The following USP10 variants were observed in gnomAD, a reference collection of about 807,000 sequenced individuals.
USP10 encodes the protein ubiquitin specific peptidase 10, also known as ubiquitin carboxyl-terminal hydrolase 10.
A neutral mutation model predicts 84.5 loss-of-function variants in USP10; 22 were observed. The observed-to-expected ratio is 0.26, with a 90% CI of 0.19 to 0.37. The LOEUF (loss-of-function observed/expected upper bound fraction) is 0.37. Ranked by LOEUF, USP10 falls within the 10% of genes least tolerant of loss-of-function variation. The probability of loss-of-function intolerance (pLI) is 1.00; values close to 1 mark genes in which losing one functional copy is unlikely to be tolerated. For synonymous variants in USP10, 454 were observed against 387.6 expected, an observed-to-expected ratio of 1.17 and a Z score of -2.01; for missense variants, 1,019 against 998.9, an observed-to-expected ratio of 1.02 and a Z score of -0.27.
At chr16:84,778,850 G>A (rs746356767) in intron 13 of USP10, 45 bp from the exon 14 acceptor site, 2 of 1,572,740 alleles carry the variant, frequency 1.3e-6, no homozygotes, top group Admixed American at 3.5e-5. Context: ...AATGATTCGT[G>A]TGCAGTGCTG....
chr16:84,745,819 C>T, intron 4 of USP10, 146 bp downstream of exon 4: 2 of 867,420 alleles, frequency 2.3e-6, no homozygotes, highest in East Asian at 2.7e-5. Flanking sequence ...CTTAAATGTT[C>T]TCTAAAAGTA....
At chr16:84,771,816 G>A (rs1051902875) in intron 11 of USP10, among the ~76,000 whole-genome samples, 5 of 152,072 alleles carry the variant, frequency 3.3e-5, no homozygotes, top group East Asian at 1.9e-4. Flanking sequence ...TGCAGTGAGC[G>A]CAGATCGTAC....
At chr16:84,725,030 TGAGA>T (rs1343205828) in intron 1 of USP10, among the ~76,000 whole-genome samples, 8 of 152,214 alleles carry the variant, frequency 5.3e-5, no homozygotes, top group Admixed American at 5.2e-4. Context: ...AAAACTTTAT[TGAGA>T]TATAATTCAC....
At chr16:84,708,076 G>A (rs1455018939) in intron 1 of USP10, among the ~76,000 whole-genome samples, 3 of 151,888 alleles carry the variant, frequency 2.0e-5, no homozygotes, top group Non-Finnish European at 2.9e-5. Context: ...AGACTCTTAC[G>A]TCAAAAAAGA....
chr16:84,732,149 G>A (rs1298553558), intron 1 of USP10, among the ~76,000 whole-genome samples: 1 of 152,106 alleles, frequency 6.6e-6, no homozygotes, highest in Non-Finnish European at 1.5e-5. Flanking sequence ...TTACCAGGAG[G>A]GTATTACATT....
chr16:84,753,393 C>CTTT (rs1597369875), intron 4 of USP10, among the ~76,000 whole-genome samples: 1 of 152,164 alleles, frequency 6.6e-6, no homozygotes, highest in Admixed American at 6.6e-5. Context: ...AATTCATTTG[C>CTTT]TTTTCCCTTC....
chr16:84,716,453 A>G (rs936234056), intron 1 of USP10: 1 of 152,172 alleles, frequency 6.6e-6, no homozygotes, highest in Non-Finnish European at 1.5e-5. Flanking sequence ...GATTCTCAGT[A>G]TTGTGCTTCA....
At chr16:84,769,452 C>T (rs956116589) in intron 11 of USP10, among the ~76,000 whole-genome samples, 1 of 152,140 alleles carries the variant, frequency 6.6e-6, no homozygotes, top group African/African-American at 2.4e-5. Context: ...CAGTAGGAGC[C>T]AGAGGCAGAA....
intron 13 of USP10, among the ~76,000 whole-genome samples, chr16:84,775,493 T>C (rs2150876845): frequency 6.6e-6 from 1 of 152,314 alleles, no homozygotes; most frequent in East Asian, 1.9e-4. Context: ...AGTTTCAGGC[T>C]CCCAGGCTGG....
Position 84,745,250 on chromosome 16 carries a change from G to C in USP10, c.769G>C (p.Ala257Pro). 6.2e-7 allele frequency: 1 copy of C among 1,613,374 alleles called. No homozygotes were observed. Among genetic ancestry groups the C allele is most frequent in the South Asian group, 1.1e-5 (1 of 91,052 alleles). The change falls in exon 4 of 14, where the codon GCA becomes CCA. Residue 257 changes from alanine to proline, a missense_variant. Transcript: ENST00000219473. ...TGATTTTGGTCAGTCCTGCTTCCCTGCAGAGGCTGGCAGAGACACCCTGTC... is the reference window on the plus strand; with the variant it reads ...TGATTTTGGTCAGTCCTGCTTCCCTCCAGAGGCTGGCAGAGACACCCTGTC... ...GADFGQSCFP[A>P]EAGRDTLSRT... is the part of the protein sequence containing the mutation.
chr16:84,779,919 T>C lies in USP10; in HGVS notation c.*837T>C, dbSNP rs1480179062. On this transcript the variant is annotated 3_prime_UTR_variant, in exon 14 of 14. Transcript: ENST00000219473. ...ATCAATAAAAATCACAAAGTTGGTTTAAAGGTGTGTGCGTGTTTCTTTGAA... is the reference window on the plus strand; with the variant it reads ...ATCAATAAAAATCACAAAGTTGGTTCAAAGGTGTGTGCGTGTTTCTTTGAA... The C allele has an allele frequency of 6.6e-6, 1 of 152,188 alleles. No individual in the cohort carries two copies. The highest frequency in any genetic ancestry group is 2.4e-5 in the African/African-American group (1 of 41,442). 9.4% of individuals were successfully genotyped at this position (152,188 alleles called of 1,614,324 possible). A position where few individuals can be genotyped will look rare whatever the true frequency, so the allele number is the denominator to read the frequency against.
intron 4 of USP10, among the ~76,000 whole-genome samples, chr16:84,752,082 C>G (rs1430672283): frequency 6.6e-6 from 1 of 152,118 alleles, no homozygotes; most frequent in East Asian, 1.9e-4. Flanking sequence ...CAGCAGATTT[C>G]ATAAGAGTGA....
chr16:84,746,812 G>A lies in USP10; in HGVS notation c.1192+1139G>A, dbSNP rs539854407. ...CCTTAACCTACTGTAACTTTTTTAC[G>A]TTTTATTTTACTTTTAAATTAAAAA... On this transcript the variant is annotated intron_variant, in intron 4 of 13. Coordinates refer to ENST00000219473, the MANE Select transcript of USP10 (RefSeq NM_005153.3). Among the ~76,000 whole-genome samples, 13 of 152,186 alleles carry A rather than the reference G, an allele frequency of 8.5e-5. No homozygotes were observed. The East Asian group carries it at 9.7e-4, about 11-fold the overall frequency.
At chr16:84,715,512 A>G (rs1264216671) in intron 1 of USP10, among the ~76,000 whole-genome samples, 2 of 152,368 alleles carry the variant, frequency 1.3e-5, no homozygotes, top group Non-Finnish European at 2.9e-5. Context: ...CTGGGATTAC[A>G]GGCATGAGCC....
At position 84,745,470 on chromosome 16, in the gene USP10, C is replaced by G; in HGVS notation, c.989C>G (p.Ala330Gly). 6.2e-7 allele frequency: 1 copy of G among 1,613,508 alleles called. No individual in the cohort carries two copies. The change falls in exon 4 of 14, where the codon GCA becomes GGA. Residue 330 changes from alanine to glycine, a missense_variant. Ala to Gly is a moderately conservative substitution (Grantham distance 60, BLOSUM62 0). Coordinates refer to ENST00000219473, the MANE Select transcript of USP10 (RefSeq NM_005153.3). The stretch of plus-strand genomic sequence containing the variant: ...CCTCCTGCTGACGGCACGGGCTCTG[C>G]ATCAGGCACCCTTCCTGTCAGCCAG... ...ASPPADGTGS[A>G]SGTLPVSQPK...
At chr16:84,764,394 C>G (rs371552822) in intron 10 of USP10, 131 bp downstream of exon 10, 35 of 1,250,786 alleles carry the variant, frequency 2.8e-5, no homozygotes, top group South Asian at 2.3e-4. Context: ...CCCCTGCCTG[C>G]TCTTCTCTTG....
At chr16:84,747,521 T>A (rs12447199) in intron 4 of USP10, among the ~76,000 whole-genome samples, 1 of 149,010 alleles carries the variant, frequency 6.7e-6, no homozygotes, top group Non-Finnish European at 1.5e-5. Flanking sequence ...CGTCGTTATT[T>A]TGGGCTTCAT....
At chr16:84,748,883 AATT>A (rs1452446237) in intron 4 of USP10, among the ~76,000 whole-genome samples, 1 of 152,210 alleles carries the variant, frequency 6.6e-6, no homozygotes, top group African/African-American at 2.4e-5. Context: ...CAGTCCACGT[AATT>A]ATTTTTGTGT....
rs1380252350 is a variant in USP10, at chr16:84,745,155, A to T, written c.674A>T (p.Asp225Val). 2 of 1,613,444 alleles carry T rather than the reference A, an allele frequency of 1.2e-6. No individual in the cohort carries two copies. Among genetic ancestry groups the T allele is most frequent in the Non-Finnish European group, 1.7e-6 (2 of 1,179,674 alleles). ...GACTCTGTCAGTGACATTGTGCCTG[A>T]CAGTCCTTTCCCCGGAGCACTCGGC... Reference protein sequence around the residue: ...STDSVSDIVPDSPFPGALGSD... With the variant: ...STDSVSDIVPVSPFPGALGSD... The change falls in exon 4 of 14, where the codon GAC becomes GTC. Residue 225 changes from aspartate (D) to valine (V), a missense_variant. Around this residue, in one of 2 missense-constraint regions of USP10, gnomAD observed 787 missense variants for 708.8 expected, o/e 1.11. Transcript: ENST00000219473.
Sources: gnomAD v4.1 joint callset for allele counts (sites outside exome capture counted in the v4.1 genomes callset) on GRCh38, gnomAD v4.1.1 for gene constraint, gnomAD v4.1.1 regional missense constraint, MANE v1.5 for transcripts, NCBI Gene and HGNC (gene_info 2026-07-23, HGNC 2026-07-21) for gene names.